Variants in ZFHX3 observed in about 807,000 individuals in gnomAD.
The protein encoded by ZFHX3 is zinc finger homeobox 3.
ZFHX3 carries 42 observed loss-of-function variants against 279.1 expected under a neutral mutation model. That is an observed-to-expected ratio of 0.15 (90% CI 0.12 to 0.19). The LOEUF is 0.19. ZFHX3 is among the 10% of genes least tolerant of loss of function. ZFHX3 has a pLI of 1.00. For missense variants in ZFHX3, 4,981 were observed against 4,754.0 expected (o/e 1.05, Z -1.40); for synonymous variants, 2,293 against 1,957.8 (o/e 1.17, Z -4.52).
chr16:73,165,710 C>T (rs1308599142), intron 5 of ZFHX3, among the ~76,000 whole-genome samples: 7 of 152,100 alleles, frequency 4.6e-5, no homozygotes, highest in Admixed American at 3.3e-4. Context: ...GGGTAGAGTA[C>T]GTGTTCCATT....
intron 2 of ZFHX3, among the ~76,000 whole-genome samples, chr16:73,488,235 C>T (rs139008551): frequency 1.2e-4 from 19 of 152,258 alleles, no homozygotes; most frequent in African/African-American, 4.6e-4. Context: ...TGGTGCCATC[C>T]TTTAGGGCTG....
chr16:72,788,099 G>T lies in ZFHX3; in HGVS notation c.10177C>A (p.Gln3393Lys). The change falls in exon 10 of 10, where the codon CAG (glutamine) becomes AAG (lysine). Residue 3393 changes from glutamine (Q) to lysine (K), a missense_variant. By Grantham distance (53) the Gln-to-Lys change is moderately conservative. Transcript: ENST00000268489. The part of the protein sequence containing the change: ...LQQQQQQKVQ[Q>K]QQPKASQTPV... ...GTTTGGCTTGCTTTGGGCTGCTGCT[G>T]CTGCACTTTTTGCTGCTGCTGCTGC... 1 of 1,608,652 alleles carries T rather than the reference G, an allele frequency of 6.2e-7. No individual in the cohort carries two copies. Among genetic ancestry groups the T allele is most frequent in the Non-Finnish European group, 8.5e-7 (1 of 1,176,904 alleles).
chr16:73,308,261 A>G (rs1325439565), intron 4 of ZFHX3, among the ~76,000 whole-genome samples: 2 of 20,800 alleles, frequency 9.6e-5, no homozygotes, highest in Non-Finnish European at 1.7e-4. Context: ...ATATATATAT[A>G]TATATATATA....
intron 1 of ZFHX3, among the ~76,000 whole-genome samples, chr16:73,774,549 C>G (rs2054055717): frequency 6.6e-6 from 1 of 152,208 alleles, no homozygotes; most frequent in African/African-American, 2.4e-5. Flanking sequence ...ACTGTATCCA[C>G]TGATGATGCT....
chr16:73,603,575 T>G (rs994712828), intron 2 of ZFHX3, among the ~76,000 whole-genome samples: 1 of 151,996 alleles, frequency 6.6e-6, no homozygotes, highest in African/African-American at 2.4e-5. Context: ...TCTAAGAACC[T>G]TGAAACCAGT....
chr16:73,680,625 T>A (rs1294397788), intron 1 of ZFHX3, among the ~76,000 whole-genome samples: 1 of 152,204 alleles, frequency 6.6e-6, no homozygotes, highest in East Asian at 1.9e-4. Flanking sequence ...TTCTCATCAG[T>A]CTGCATCTGG....
At chr16:72,996,092 A>G (rs1431991675) in intron 1 of ZFHX3, among the ~76,000 whole-genome samples, 3 of 148,080 alleles carry the variant, frequency 2.0e-5, no homozygotes. Context: ...ACACAGTAAA[A>G]CCCTGTCTCT....
intron 2 of ZFHX3, among the ~76,000 whole-genome samples, chr16:73,555,238 T>C (rs1419123097): frequency 6.6e-6 from 1 of 152,024 alleles, no homozygotes; most frequent in Non-Finnish European, 1.5e-5. Context: ...CACTGCAACC[T>C]GTGCCTCCCG....
chr16:73,009,474 T>TA (rs540403044), intron 1 of ZFHX3, among the ~76,000 whole-genome samples: 14 of 148,822 alleles, frequency 9.4e-5, no homozygotes, highest in East Asian at 3.9e-4. Flanking sequence ...TTCATCTATT[T>TA]AAAAAAAAAA....
intron 8 of ZFHX3, chr16:73,092,643 G>A (rs1042554476): frequency 7.8e-6 from 2 of 255,542 alleles, no homozygotes; most frequent in South Asian, 4.7e-5. Flanking sequence ...GAGCGCGAAC[G>A]CCGTGTCTGG....
chr16:72,910,450 G>C (rs1371122600), intron 3 of ZFHX3, among the ~76,000 whole-genome samples: 2 of 152,178 alleles, frequency 1.3e-5, no homozygotes, highest in African/African-American at 4.8e-5. Context: ...AGGAAATCTG[G>C]ATTGAGAAAA....
At chr16:72,967,926 T>TAAA (rs34395944) in intron 1 of ZFHX3, among the ~76,000 whole-genome samples, 3 of 131,730 alleles carry the variant, frequency 2.3e-5, no homozygotes, top group Non-Finnish European at 3.2e-5. Context: ...AGACCCCATC[T>TAAA]AAAAAAAAAA....
At chr16:72,864,252 A>T (rs1208100212) in intron 4 of ZFHX3, among the ~76,000 whole-genome samples, 1 of 151,974 alleles carries the variant, frequency 6.6e-6, no homozygotes, top group Admixed American at 6.5e-5. Flanking sequence ...CTCCTCATAA[A>T]CCCTTCTTGA....
At chr16:73,318,620 C>A (rs778498431) in intron 3 of ZFHX3, among the ~76,000 whole-genome samples, 53 of 151,998 alleles carry the variant, frequency 3.5e-4, no homozygotes, top group Non-Finnish European at 6.5e-4. Context: ...CTGCTGCCGA[C>A]AATTAAGAAA....
chr16:72,920,452 G>T (rs530311129), intron 3 of ZFHX3, among the ~76,000 whole-genome samples: 1 of 151,998 alleles, frequency 6.6e-6, no homozygotes, highest in African/African-American at 2.4e-5. Context: ...AGGCCAAGGC[G>T]GTGGATCACC....
chr16:73,711,606 C>G (rs934975466), intron 1 of ZFHX3, among the ~76,000 whole-genome samples: 4 of 152,062 alleles, frequency 2.6e-5, no homozygotes, highest in Non-Finnish European at 5.9e-5. Flanking sequence ...GAGGCAGACA[C>G]CACTCAGCCA....
At chr16:73,391,614 G>C (rs1423429209) in intron 3 of ZFHX3, among the ~76,000 whole-genome samples, 1 of 152,084 alleles carries the variant, frequency 6.6e-6, no homozygotes, top group Non-Finnish European at 1.5e-5. Context: ...CCTACTACCA[G>C]GTGGAGGCAA....
intron 2 of ZFHX3, among the ~76,000 whole-genome samples, chr16:73,647,629 T>A (rs1179992699): frequency 6.6e-6 from 1 of 152,148 alleles, no homozygotes; most frequent in East Asian, 1.9e-4. Context: ...CAGGTAGTTC[T>A]TTATAGCAGT....
At chr16:73,722,385 G>A (rs79531873) in intron 1 of ZFHX3, among the ~76,000 whole-genome samples, 2,239 of 152,250 alleles carry the variant, frequency 0.015, 63 homozygotes, top group African/African-American at 0.051. Flanking sequence ...TATCTGAGAC[G>A]CCAGCACTAT....
Sources: allele counts gnomAD v4.1 joint callset (sites outside exome capture counted in the v4.1 genomes callset), GRCh38; gene constraint gnomAD v4.1.1; transcripts MANE v1.5; gene names NCBI Gene and HGNC (gene_info 2026-07-23, HGNC 2026-07-21).